Variants in NCALD observed in about 807,000 individuals in gnomAD.
The protein encoded by NCALD is neurocalcin delta, also known as neurocalcin-delta.
Under a neutral mutation model 18.6 loss-of-function variants are expected in NCALD, and 10 were observed. The observed-to-expected ratio is 0.54, with a 90% CI of 0.33 to 0.91. NCALD has a LOEUF of 0.91. Among genes scored for constraint, NCALD ranks in the 40% least tolerant of loss-of-function variants. The pLI is 0.03. For missense variants in NCALD, 184 were observed against 247.6 expected, an observed-to-expected ratio of 0.74 and a Z score of 1.72; for synonymous variants, 88 against 87.4, an observed-to-expected ratio of 1.01 and a Z score of -0.04.
intron 1 of NCALD, among the ~76,000 whole-genome samples, chr8:102,110,005 A>C (rs1192727443): frequency 6.6e-6 from 1 of 152,122 alleles, no homozygotes; most frequent in Non-Finnish European, 1.5e-5. Flanking sequence ...TTTATTCTGC[A>C]ATCTTTGTAG....
chr8:101,737,594 C>T (rs1809984035), intron 1 of NCALD, among the ~76,000 whole-genome samples: 1 of 152,212 alleles, frequency 6.6e-6, no homozygotes, highest in African/African-American at 2.4e-5. Context: ...GCCTCTCCAG[C>T]CCTATAAAGG....
chr8:102,047,070 AG>A (rs1329881202), intron 1 of NCALD, among the ~76,000 whole-genome samples: 2 of 152,162 alleles, frequency 1.3e-5, no homozygotes, highest in African/African-American at 4.8e-5. Context: ...GAGAACATGT[AG>A]TATTTGGTTT....
chr8:101,764,389 A>G (rs554660247), intron 1 of NCALD, among the ~76,000 whole-genome samples: 1 of 152,286 alleles, frequency 6.6e-6, no homozygotes, highest in African/African-American at 2.4e-5. Flanking sequence ...GATCCCCTGT[A>G]CCAAATGCTG....
rs568078204 is a variant in NCALD, at chr8:101,788,637, T to G, written c.-20+2225A>C. 3.9e-5 allele frequency: 6 copies of G among 152,340 alleles called. No individual in the cohort carries two copies. The South Asian group carries it at 1.0e-3, about 26-fold the overall frequency. 9.4% of individuals were successfully genotyped at this position (152,340 alleles called of 1,614,324 possible). ...ATTTGTAAACCTGCATACTTTATTT[T>G]ATGCATGTAAAAACATAATTCTGAG... is the stretch of plus-strand genomic sequence containing the variant. On this transcript the variant is annotated intron_variant, in intron 1 of 3. Transcript: ENST00000220931.
chr8:101,989,553 T>C (rs567320584), intron 2 of NCALD, among the ~76,000 whole-genome samples: 1 of 152,364 alleles, frequency 6.6e-6, no homozygotes, highest in African/African-American at 2.4e-5. Context: ...TTTTGTGATA[T>C]AACATTCAAT....
intron 4 of NCALD, among the ~76,000 whole-genome samples, chr8:101,830,075 T>C (rs1431405458): frequency 1.3e-5 from 2 of 151,748 alleles, no homozygotes; most frequent in Non-Finnish European, 2.9e-5. Flanking sequence ...GAATCTTATG[T>C]TTTTAATCAC....
chr8:102,105,935 A>T (rs1825430554), intron 1 of NCALD, among the ~76,000 whole-genome samples: 1 of 152,074 alleles, frequency 6.6e-6, no homozygotes, highest in Admixed American at 6.6e-5. Flanking sequence ...GAGATAATAT[A>T]CTCGGAACAG....
intron 2 of NCALD, among the ~76,000 whole-genome samples, chr8:101,996,362 C>T (rs1409444692): frequency 6.6e-6 from 1 of 152,190 alleles, no homozygotes; most frequent in Non-Finnish European, 1.5e-5. Context: ...CACTTCTACA[C>T]ATCAAGTATA....
intron 1 of NCALD, among the ~76,000 whole-genome samples, chr8:101,732,199 TCTTA>T (rs1357001110): frequency 6.6e-6 from 1 of 152,190 alleles, no homozygotes; most frequent in Non-Finnish European, 1.5e-5. Context: ...CTAAATATTA[TCTTA>T]CTTAAAACTC....
chr8:101,793,015 C>G (rs879561655), upstream of NCALD, among the ~76,000 whole-genome samples: 1 of 152,068 alleles, frequency 6.6e-6, no homozygotes, highest in Admixed American at 6.5e-5. Flanking sequence ...ATACTTTATA[C>G]TGCCTTGGGC....
chr8:102,056,812 T>C (rs578063495), intron 1 of NCALD, among the ~76,000 whole-genome samples: 20 of 152,376 alleles, frequency 1.3e-4, no homozygotes, highest in African/African-American at 4.6e-4. Flanking sequence ...GCAATTCTCA[T>C]GGCTCAGGAC....
intron 4 of NCALD, among the ~76,000 whole-genome samples, chr8:101,855,964 C>T (rs532219765): frequency 6.6e-6 from 1 of 152,238 alleles, no homozygotes; most frequent in East Asian, 1.9e-4. Flanking sequence ...TCCTCATGAA[C>T]ACTCATACAT....
At chr8:101,797,308 C>A (rs1267916729) in intron 4 of NCALD, among the ~76,000 whole-genome samples, 1 of 152,066 alleles carries the variant, frequency 6.6e-6, no homozygotes, top group African/African-American at 2.4e-5. Flanking sequence ...GAAAATCACA[C>A]CTAGAAACCT....
chr8:102,021,343 C>G (rs188326132), intron 1 of NCALD, among the ~76,000 whole-genome samples: 1 of 152,164 alleles, frequency 6.6e-6, no homozygotes, highest in Non-Finnish European at 1.5e-5. Context: ...TCAGGACTCA[C>G]TCATTGTAGA....
Position 101,816,472 on chromosome 8 carries a change from C to T in NCALD, c.-20+70669G>A, listed in dbSNP as rs549540538. Among the ~76,000 whole-genome samples, 5 of 152,272 alleles carry T rather than the reference C, an allele frequency of 3.3e-5. No individual in the cohort carries two copies. In the South Asian group the frequency reaches 6.2e-4, roughly 19 times the overall value. On this transcript the variant is annotated intron_variant, in intron 4 of 6. Transcript: ENST00000311028. The stretch of plus-strand genomic sequence containing the variant: ...CACATCTTACTTTTGCTGTGCCCCC[C>T]GCCAACATAATTTAGTTACTTTTTC...
At chr8:101,953,897 A>T (rs1164610867) in intron 2 of NCALD, among the ~76,000 whole-genome samples, 1 of 152,244 alleles carries the variant, frequency 6.6e-6, no homozygotes, top group African/African-American at 2.4e-5. Flanking sequence ...ACCGCCATCA[A>T]TCCCAGAGCT....
At chr8:101,869,995 G>A (rs1815937027) in intron 4 of NCALD, among the ~76,000 whole-genome samples, 1 of 152,100 alleles carries the variant, frequency 6.6e-6, no homozygotes, top group African/African-American at 2.4e-5. Flanking sequence ...ACTTACATGT[G>A]TTTTCTGTTC....
chr8:101,760,683 G>A (rs1268563807), intron 1 of NCALD, among the ~76,000 whole-genome samples: 5 of 152,294 alleles, frequency 3.3e-5, no homozygotes, highest in African/African-American at 7.2e-5. Context: ...TTCAAGTTGA[G>A]GTGTGGCTAT....
chr8:101,943,792 T>C (rs1026038732), intron 2 of NCALD, among the ~76,000 whole-genome samples: 1 of 151,788 alleles, frequency 6.6e-6, no homozygotes, highest in Non-Finnish European at 1.5e-5. Context: ...TACAAAAAAA[T>C]TAGCCAGGCA....
Sources: gnomAD v4.1 joint callset for allele counts (sites outside exome capture counted in the v4.1 genomes callset) on GRCh38, gnomAD v4.1.1 for gene constraint, MANE v1.5 for transcripts, NCBI Gene and HGNC (gene_info 2026-07-23, HGNC 2026-07-21) for gene names.